Variants in FYCO1 observed in about 807,000 individuals in gnomAD.
FYCO1 encodes FYVE and coiled-coil domain-containing protein 1.
In FYCO1, 122 loss-of-function variants were observed where a neutral mutation model predicts 165.1. That is an observed-to-expected ratio of 0.74 (90% CI 0.64 to 0.86). The LOEUF (loss-of-function observed/expected upper bound fraction) is 0.86, where lower values mean the gene tolerates loss of function less well. FYCO1 is among the 40% of genes least tolerant of loss of function. The probability of loss-of-function intolerance (pLI) is 0.00; values close to 1 mark genes in which losing one functional copy is unlikely to be tolerated. For missense variants in FYCO1, 1,702 were observed against 1,810.3 expected (o/e 0.94, Z 1.09); for synonymous variants, 648 against 742.5 (o/e 0.87, Z 2.07).
intron 6 of FYCO1, among the ~76,000 whole-genome samples, chr3:45,970,996 G>A (rs1706412462): frequency 6.6e-6 from 1 of 152,110 alleles, no homozygotes; most frequent in Non-Finnish European, 1.5e-5. Flanking sequence ...GGGAACAAAG[G>A]AGAAAGGATG....
In FYCO1 at chr3:45,931,172, C is replaced by T; in HGVS notation, c.4150G>A (p.Ala1384Thr). 1.2e-6 allele frequency: 2 copies of T among 1,614,096 alleles called. No individual in the cohort carries two copies. Among genetic ancestry groups the T allele is most frequent in the East Asian group, 2.2e-5 (1 of 44,886 alleles). The change falls in exon 16 of 18, where the codon GCA (alanine) becomes ACA (threonine). Residue 1384 changes from alanine (A) to threonine (T), a missense_variant. By Grantham distance (58) the Ala-to-Thr change is moderately conservative. Transcript: ENST00000296137. ...YSLIPITVAE[A>T]GLTISWVFSS... ...AAGACCCAGCTGATGGTGAGGCCTG[C>T]CTCGGCCACAGTGATGGGGATCAGG...
In FYCO1 at chr3:45,959,496, G is replaced by A; in HGVS notation, c.3484C>T (p.Gln1162Ter). 6.2e-7 allele frequency: 1 copy of A among 1,614,154 alleles called. No homozygotes were observed. ...WQKSDALEFQ[Q>*]KLSAEERWLG... ...CATCTCTCCTCAGCACTGAGCTTCT[G>A]CTGGAATTCCAGGGCATCTGACTTC... Residue 1162 changes from glutamine to a stop codon, truncating the protein, a stop_gained, in exon 12 of 18, where the codon CAG becomes TAG. Coordinates refer to ENST00000296137, the MANE Select transcript of FYCO1 (RefSeq NM_024513.4). LOFTEE classifies it high-confidence loss of function.
At chr3:45,940,500 C>A (rs1052093081) in intron 14 of FYCO1, among the ~76,000 whole-genome samples, 1 of 152,194 alleles carries the variant, frequency 6.6e-6, no homozygotes, top group Non-Finnish European at 1.5e-5. Context: ...TCTGAGCATG[C>A]AGCTCCTCCC....
At chr3:45,946,692 G>GTA in intron 14 of FYCO1, 1 of 1,614,206 alleles carries the variant, frequency 6.2e-7, no homozygotes, top group Non-Finnish European at 8.5e-7. Flanking sequence ...TGTGTTCCTG[G>GTA]TGAACCTACC....
chr3:45,959,238 C>T (rs1451639873), intron 12 of FYCO1, among the ~76,000 whole-genome samples, 155 bp downstream of exon 12: 1 of 152,242 alleles, frequency 6.6e-6, no homozygotes, highest in East Asian at 1.9e-4. Context: ...ATACACCTTC[C>T]TTACCTGGTT....
chr3:45,944,890 T>C (rs185648776), intron 14 of FYCO1: 1 of 152,354 alleles, frequency 6.6e-6, no homozygotes, highest in East Asian at 1.9e-4. Context: ...TTTGCCCATG[T>C]GAATCAATAA....
chr3:45,962,139 G>A lies in FYCO1; in HGVS notation c.3437+86C>T. 2.1e-6 allele frequency: 3 copies of A among 1,425,464 alleles called. No homozygotes were observed. In the East Asian group the frequency reaches 6.8e-5, roughly 32 times the overall value. The allele number at this position is 1,425,464 out of a possible 1,614,324, so 88.3% of individuals were successfully genotyped here. ...GCAAGAAAGTGGGGAAATTTCTGAA[G>A]TATGCTTTCAAGAACAGCTGCATTT... On this transcript the variant is annotated intron_variant, in intron 11 of 17. Coordinates refer to ENST00000296137, the MANE Select transcript of FYCO1 (RefSeq NM_024513.4). This position sits in a 1 kb window ranked among gnomAD's most constrained non-coding sequence, Gnocchi z 4.4.
Position 45,984,837 on chromosome 3 carries a change from G to T in FYCO1, c.55+19C>A, listed in dbSNP as rs1707235185. 1 of 1,614,022 alleles carries T rather than the reference G, an allele frequency of 6.2e-7. No homozygotes were observed. Among genetic ancestry groups the T allele is most frequent in the African/African-American group, 1.3e-5 (1 of 75,040 alleles). ...AGTCCCTCAAAACCAAACTCAGCCT[G>T]CCCAGCAACCTACCATACCTTGCAA... On this transcript the variant is annotated intron_variant, in intron 2 of 17. Coordinates refer to ENST00000296137, the MANE Select transcript of FYCO1 (RefSeq NM_024513.4).
At chr3:45,960,499 G>A (rs989147029) in intron 11 of FYCO1, among the ~76,000 whole-genome samples, 3 of 152,178 alleles carry the variant, frequency 2.0e-5, no homozygotes, top group Non-Finnish European at 2.9e-5. Flanking sequence ...TCATTCTCTA[G>A]GCTGGTCCAC....
chr3:45,924,610 T>C (rs1703233525), intron 16 of FYCO1, among the ~76,000 whole-genome samples: 1 of 151,914 alleles, frequency 6.6e-6, no homozygotes, highest in East Asian at 1.9e-4. Flanking sequence ...CAGTCAACAT[T>C]TTTTTTTCCT....
At chr3:45,954,997 G>A (rs1042139377) in intron 14 of FYCO1, among the ~76,000 whole-genome samples, 1 of 152,166 alleles carries the variant, frequency 6.6e-6, no homozygotes, top group Admixed American at 6.5e-5. Context: ...AGTCGCTCAA[G>A]CCAAGAAAGA....
chr3:45,971,015 G>A (rs1706413810), intron 6 of FYCO1, among the ~76,000 whole-genome samples: 1 of 152,088 alleles, frequency 6.6e-6, no homozygotes. Flanking sequence ...TGGCATTGGG[G>A]TGGGGCTTTA....
chr3:45,960,157 G>A (rs62242788), intron 11 of FYCO1, among the ~76,000 whole-genome samples: 1 of 152,122 alleles, frequency 6.6e-6, no homozygotes, highest in African/African-American at 2.4e-5. Flanking sequence ...TGCACTGGAG[G>A]GGGAGGATGT....
At chr3:45,989,199 G>C (rs962972015) in intron 1 of FYCO1, among the ~76,000 whole-genome samples, 2 of 152,172 alleles carry the variant, frequency 1.3e-5, no homozygotes, top group Non-Finnish European at 2.9e-5. Flanking sequence ...TCCTCCCCCA[G>C]TCCCAAATAA....
At position 45,954,351 on chromosome 3, in the gene FYCO1, G is replaced by A. The variant is rs181748600; in HGVS notation, c.3944+898C>T. ...AGACTGGACACCCCTGCTCTGATGCGTTCCCTGACAGTATTAGCCTGCAGT... is the reference window on the plus strand; with the variant it reads ...AGACTGGACACCCCTGCTCTGATGCATTCCCTGACAGTATTAGCCTGCAGT... On this transcript the variant is annotated intron_variant, in intron 14 of 17. Coordinates refer to ENST00000296137, the MANE Select transcript of FYCO1 (RefSeq NM_024513.4). Among the ~76,000 whole-genome samples the A allele has an allele frequency of 2.6e-4, 40 of 152,234 alleles. 1 individual carries two copies. Among genetic ancestry groups the A allele is most frequent in the Admixed American group, 9.2e-4 (14 of 15,284 alleles).
At chr3:45,947,417 T>A (rs957566662) in intron 14 of FYCO1, 1 of 1,614,208 alleles carries the variant, frequency 6.2e-7, no homozygotes, top group East Asian at 2.2e-5. Context: ...TCCCTTACCT[T>A]GGGGTCTCAC....
At position 45,962,397 on chromosome 3, in the gene FYCO1, G is replaced by A; in HGVS notation, c.3270-5C>T. Reference sequence around the variant, plus strand: ...TTTTCGAGTTCCTTCTGGGTCCTGGGGGAGGAGTGGTAAGTTTTCTTGATT... The same window carrying A: ...TTTTCGAGTTCCTTCTGGGTCCTGGAGGAGGAGTGGTAAGTTTTCTTGATT... On this transcript the variant is annotated splice_polypyrimidine_tract_variant and splice_region_variant and intron_variant, in intron 10 of 17. Coordinates refer to ENST00000296137, the MANE Select transcript of FYCO1 (RefSeq NM_024513.4). The surrounding 1 kb of genome is among the most constrained non-coding windows in gnomAD (Gnocchi z 4.4). The A allele has an allele frequency of 6.2e-7, 1 of 1,614,002 alleles. No individual in the cohort carries two copies. The highest frequency in any genetic ancestry group is 8.5e-7 in the Non-Finnish European group (1 of 1,179,894).
intron 14 of FYCO1, among the ~76,000 whole-genome samples, chr3:45,951,291 C>T (rs1332903481): frequency 6.6e-6 from 1 of 152,138 alleles, no homozygotes; most frequent in African/African-American, 2.4e-5. Context: ...TCCTAACACC[C>T]CTAGGGGTGA....
intron 14 of FYCO1, among the ~76,000 whole-genome samples, chr3:45,952,749 C>T (rs889274779): frequency 3.9e-5 from 6 of 152,182 alleles, no homozygotes; most frequent in African/African-American, 1.4e-4. Context: ...CTTTCTCACT[C>T]AGGCTAGAGG....
Sources: allele counts gnomAD v4.1 joint callset (sites outside exome capture counted in the v4.1 genomes callset), GRCh38; gene constraint gnomAD v4.1.1; non-coding constraint Gnocchi (gnomAD v3.1); transcripts MANE v1.5; gene names NCBI Gene and HGNC (gene_info 2026-07-23, HGNC 2026-07-21).